PCAT7: variants seen among roughly 807,000 people sequenced by gnomAD.
PCAT7 encodes the protein prostate cancer associated transcript 7 (non-protein coding).
At chr9:94,568,817 G>T (rs1360202103) in intron 2 of PCAT7, 2 of 152,048 alleles carry the variant, frequency 1.3e-5, no homozygotes, top group Non-Finnish European at 2.9e-5. Context: ...AGATAAAAAT[G>T]ATTAAGGTAA....
At chr9:94,573,448 G>A (rs1827288632) in intron 3 of PCAT7, among the ~76,000 whole-genome samples, 1 of 151,996 alleles carries the variant, frequency 6.6e-6, no homozygotes, top group Non-Finnish European at 1.5e-5. Context: ...TTTTGAGATG[G>A]GGGTCTTGCT....
At chr9:94,562,944 G>A (rs539559935) in intron 2 of PCAT7, among the ~76,000 whole-genome samples, 2 of 152,256 alleles carry the variant, frequency 1.3e-5, no homozygotes, top group Admixed American at 1.3e-4. Flanking sequence ...TAATGTGTAC[G>A]TTTACATGCA....
intron 2 of PCAT7, chr9:94,571,603 CTG>C (rs1387458326): frequency 6.2e-7 from 1 of 1,610,624 alleles, no homozygotes. Flanking sequence ...CCTCTGAGGT[CTG>C]TGGAAGAGAG....
chr9:94,555,827 G>A (rs1341125245), intron 1 of PCAT7, among the ~76,000 whole-genome samples: 1 of 151,566 alleles, frequency 6.6e-6, no homozygotes, highest in Non-Finnish European at 1.5e-5. Context: ...CAAGGAGGAG[G>A]AGAAAAGAGG....
chr9:94,564,051 A>G (rs1827149989), intron 2 of PCAT7, among the ~76,000 whole-genome samples: 1 of 152,226 alleles, frequency 6.6e-6, no homozygotes, highest in Non-Finnish European at 1.5e-5. Context: ...GGCAGACTTC[A>G]ACACCTCACT....
chr9:94,558,697 CAG>C, intron 1 of PCAT7: 1 of 472,914 alleles, frequency 2.1e-6, no homozygotes. Context: ...CTGTTTCTGA[CAG>C]AAGACAAGCC....
chr9:94,566,197 A>G (rs1827186952), intron 2 of PCAT7, among the ~76,000 whole-genome samples: 1 of 152,262 alleles, frequency 6.6e-6, no homozygotes. Flanking sequence ...TGTTGGGAAC[A>G]GGCCCCCCAA....
chr9:94,561,332 C>T (rs1217761399), intron 2 of PCAT7, among the ~76,000 whole-genome samples: 1 of 146,580 alleles, frequency 6.8e-6, no homozygotes, highest in African/African-American at 2.5e-5. Context: ...GGCCTGCAGG[C>T]CATGTGACAT....
intron 2 of PCAT7, among the ~76,000 whole-genome samples, chr9:94,565,959 C>T (rs1827183294): frequency 6.6e-6 from 1 of 152,036 alleles, no homozygotes; most frequent in Non-Finnish European, 1.5e-5. Flanking sequence ...CATCCTTGGC[C>T]CACATCTGCT....
chr9:94,562,943 CG>C (rs1220923232), intron 2 of PCAT7, among the ~76,000 whole-genome samples: 1 of 152,116 alleles, frequency 6.6e-6, no homozygotes. Flanking sequence ...GTAATGTGTA[CG>C]TTTACATGCA....
At chr9:94,560,715 T>C (rs1250918523) in intron 2 of PCAT7, among the ~76,000 whole-genome samples, 7 of 147,972 alleles carry the variant, frequency 4.7e-5, no homozygotes, top group Non-Finnish European at 1.0e-4. Context: ...TATGTTATTA[T>C]ATATTATATA....
chr9:94,563,337 A>G, intron 2 of PCAT7: 1 of 1,613,600 alleles, frequency 6.2e-7, no homozygotes, highest in Non-Finnish European at 8.5e-7. Context: ...ACAAGGGAGA[A>G]TTACCTTGCC....
chr9:94,567,181 C>G, intron 2 of PCAT7: 1 of 1,390,550 alleles, frequency 7.2e-7, no homozygotes, highest in Admixed American at 1.8e-5. Flanking sequence ...GCACCAACCT[C>G]TTTCAGCAAA....
intron 1 of PCAT7, among the ~76,000 whole-genome samples, chr9:94,556,393 A>T (rs1827013050): frequency 6.6e-6 from 1 of 151,732 alleles, no homozygotes; most frequent in Admixed American, 6.6e-5. Context: ...TTGCGAAATG[A>T]CGGTAGGGAG....
chr9:94,571,207 T>C (rs906557952), intron 2 of PCAT7, among the ~76,000 whole-genome samples: 3 of 152,088 alleles, frequency 2.0e-5, no homozygotes, highest in Admixed American at 2.0e-4. Context: ...TTTTGGAAAA[T>C]GAGCTCCTTA....
chr9:94,554,846 G>C (rs141491599), upstream of PCAT7, among the ~76,000 whole-genome samples: 3 of 152,196 alleles, frequency 2.0e-5, no homozygotes, highest in South Asian at 4.1e-4. Context: ...TCTTTAAGCC[G>C]GGTACGTAGT....
chr9:94,563,235 C>T, intron 2 of PCAT7: 1 of 1,300,526 alleles, frequency 7.7e-7, no homozygotes, highest in Non-Finnish European at 1.1e-6. Context: ...CCCATCCCCA[C>T]ACAGACATGC....
chr9:94,571,588 CTCA>C, intron 2 of PCAT7: 1 of 1,613,214 alleles, frequency 6.2e-7, no homozygotes. Context: ...TTTCAGAAGG[CTCA>C]TCCTCTGAGG....
intron 3 of PCAT7, among the ~76,000 whole-genome samples, chr9:94,574,286 A>G (rs1263353244): frequency 6.6e-6 from 1 of 152,186 alleles, no homozygotes; most frequent in Non-Finnish European, 1.5e-5. Context: ...TTTTACCACT[A>G]ATAATAAGAG....
Sources: allele counts gnomAD v4.1 joint callset (sites outside exome capture counted in the v4.1 genomes callset), GRCh38; gene constraint gnomAD v4.1.1; transcripts MANE v1.5; gene names NCBI Gene and HGNC (gene_info 2026-07-23, HGNC 2026-07-21).